Variants in ADRA1D observed in about 807,000 individuals in gnomAD.
ADRA1D encodes the protein alpha-1D adrenergic receptor.
In ADRA1D, 22 loss-of-function variants were observed where a neutral mutation model predicts 18.6. That is an observed-to-expected ratio of 1.19 (90% CI 0.85 to 1.69). The LOEUF (loss-of-function observed/expected upper bound fraction) is 1.69. Ranked by LOEUF, ADRA1D falls within the 40% of genes most tolerant of loss-of-function variation. ADRA1D has a pLI of 0.00. For missense variants in ADRA1D, 840 were observed against 840.7 expected, an observed-to-expected ratio of 1.00 and a Z score of 0.01; for synonymous variants, 376 against 388.2, an observed-to-expected ratio of 0.97 and a Z score of 0.37.
chr20:4,235,990 C>A (rs1042706198), intron 1 of ADRA1D, among the ~76,000 whole-genome samples: 7 of 152,192 alleles, frequency 4.6e-5, no homozygotes, highest in African/African-American at 1.7e-4. Context: ...CCTCAAGATC[C>A]CCTCTTGGCC....
Position 4,247,894 on chromosome 20 carries a change from C to A in ADRA1D, c.1064G>T (p.Gly355Val). 1 of 1,592,726 alleles carries A rather than the reference C, an allele frequency of 6.3e-7. No homozygotes were observed. The highest frequency in any genetic ancestry group is 8.5e-7 in the Non-Finnish European group (1 of 1,171,992). The stretch of plus-strand genomic sequence containing the variant: ...AGGGAACCAGCAGAGCACGAAGACA[C>A]CCACGACGATGGCCAGAGTCTTGGC... ...KAAKTLAIVV[G>V]VFVLCWFPFF... Residue 355 changes from glycine (G) to valine (V), a missense_variant, in exon 1 of 2, where the codon GGT (glycine) becomes GTT (valine). Physicochemically the swap from Gly to Val is moderately radical, Grantham distance 109. Coordinates refer to ENST00000379453, the MANE Select transcript of ADRA1D (RefSeq NM_000678.4).
intron 1 of ADRA1D, among the ~76,000 whole-genome samples, chr20:4,231,917 T>G (rs1568765135): frequency 1.3e-5 from 2 of 152,078 alleles, no homozygotes; most frequent in African/African-American, 2.4e-5. Flanking sequence ...TTCTTTTTCT[T>G]TTTTCTTTTT....
chr20:4,228,868 T>C, intron 1 of ADRA1D, among the ~76,000 whole-genome samples: 1 of 152,328 alleles, frequency 6.6e-6, no homozygotes, highest in South Asian at 2.1e-4. Flanking sequence ...GCTGGCTCCC[T>C]GGCCACCACC....
intron 1 of ADRA1D, among the ~76,000 whole-genome samples, chr20:4,224,993 G>GTTTTT (rs562415272): frequency 2.5e-5 from 3 of 120,054 alleles, no homozygotes; most frequent in Non-Finnish European, 5.1e-5. Context: ...GGCCATCTAA[G>GTTTTT]TTTTTTTTTT....
At position 4,221,954 on chromosome 20, in the gene ADRA1D, G is replaced by A. The variant is rs1004644438; in HGVS notation, c.1288C>T (p.Leu430Phe). 2.6e-6 allele frequency: 4 copies of A among 1,546,516 alleles called. No homozygotes were observed. The East Asian group carries it at 9.9e-5, about 38-fold the overall frequency. ...CAGTGGTGGCCGTAGACACGCCAGA[G>A]AGGGCGGCGGCGCCGGCGACGACGG... ...QCRRRRRRRP[L>F]WRVYGHHWRA... is the part of the protein sequence containing the mutation. The change falls in exon 2 of 2, where the codon CTC (leucine) becomes TTC (phenylalanine). Residue 430 changes from leucine (L) to phenylalanine (F), a missense_variant. Coordinates refer to ENST00000379453, the MANE Select transcript of ADRA1D (RefSeq NM_000678.4).
At chr20:4,238,747 C>CTATA (rs1981152331) in intron 1 of ADRA1D, among the ~76,000 whole-genome samples, 1 of 152,240 alleles carries the variant, frequency 6.6e-6, no homozygotes, top group African/African-American at 2.4e-5. Flanking sequence ...TAGGCAGATG[C>CTATA]TATAAATCAG....
chr20:4,234,744 C>T (rs1413974712), intron 1 of ADRA1D, among the ~76,000 whole-genome samples: 2 of 152,198 alleles, frequency 1.3e-5, no homozygotes, highest in South Asian at 2.1e-4. Context: ...GGTCAGCGAG[C>T]CTCTCTAATA....
rs1355527048 is a variant in ADRA1D, at chr20:4,249,029, A to G, written c.-72T>C. 1.8e-5 allele frequency: 20 copies of G among 1,126,496 alleles called. No individual in the cohort carries two copies. The highest frequency in any genetic ancestry group is 2.2e-5 in the Non-Finnish European group (20 of 901,256). 69.8% of individuals were successfully genotyped at this position (1,126,496 alleles called of 1,614,324 possible). ...GCCGGCAGGGAGGGGAGCACAGGGC[A>G]TAGCCGCGGGGCTCCAGATGCAGCT... On this transcript the variant is annotated 5_prime_UTR_variant, in exon 1 of 2. An upstream start codon of the reference 5' UTR is lost. Transcript: ENST00000379453.
rs2875939 is a variant in ADRA1D at position 4,244,011 on chromosome 20, A to G, written c.1111+3836T>C. Among the ~76,000 whole-genome samples the G allele has an allele frequency of 2.0e-5, 3 of 152,152 alleles. No homozygotes were observed. In the South Asian group the frequency reaches 6.2e-4, roughly 32 times the overall value. On this transcript the variant is annotated intron_variant, in intron 1 of 1. Coordinates refer to ENST00000379453, the MANE Select transcript of ADRA1D (RefSeq NM_000678.4). ...GGGTCCTTAGATGCCCCCACAGTTC[A>G]GGACAGCCCTCCTGTGGTGCTGCCC...
At chr20:4,225,947 C>T (rs960311456) in intron 1 of ADRA1D, among the ~76,000 whole-genome samples, 9 of 152,214 alleles carry the variant, frequency 5.9e-5, no homozygotes, top group African/African-American at 2.2e-4. Flanking sequence ...TGACCTCAGC[C>T]TCCAGGAAAG....
At chr20:4,225,420 T>TTTC (rs1555820574) in intron 1 of ADRA1D, among the ~76,000 whole-genome samples, 1 of 116,262 alleles carries the variant, frequency 8.6e-6, no homozygotes, top group Non-Finnish European at 1.8e-5. Flanking sequence ...TTACTTTTTT[T>TTTC]TTTCTTTCTT....
At chr20:4,227,704 CTCCTTCCTTCCTTCCTTCCTTCCTTCCT>C (rs1555820745) in intron 1 of ADRA1D, among the ~76,000 whole-genome samples, 38 of 92,616 alleles carry the variant, frequency 4.1e-4, no homozygotes, top group Middle Eastern at 4.9e-3. Context: ...CCCTCCCTCC[CTCCTTCCTTCCTTCCTTCCTTCCTTCCT>C]TCCTTCCTTC....
chr20:4,231,037 T>TC (rs1491541014), intron 1 of ADRA1D, among the ~76,000 whole-genome samples: 5 of 79,566 alleles, frequency 6.3e-5, no homozygotes, highest in Admixed American at 1.3e-4. Context: ...TCTTTCTTTC[T>TC]TTTTCTTTCT....
At chr20:4,225,775 T>C (rs1980784197) in intron 1 of ADRA1D, among the ~76,000 whole-genome samples, 1 of 152,156 alleles carries the variant, frequency 6.6e-6, no homozygotes, top group African/African-American at 2.4e-5. Flanking sequence ...AACTCACATC[T>C]GGGAAGGGAC....
At chr20:4,237,645 A>T (rs1273794777) in intron 1 of ADRA1D, among the ~76,000 whole-genome samples, 6 of 143,296 alleles carry the variant, frequency 4.2e-5, no homozygotes, top group African/African-American at 1.5e-4. Context: ...CCTAATCAAG[A>T]CTAATGTCAG....
chr20:4,225,630 G>T (rs1980778984), intron 1 of ADRA1D, among the ~76,000 whole-genome samples: 2 of 150,982 alleles, frequency 1.3e-5, no homozygotes, highest in Admixed American at 1.3e-4. Context: ...TGGCCAGGCT[G>T]GTCTTGAACT....
Position 4,222,289 on chromosome 20 carries a change from A to C in ADRA1D, c.1112-159T>G. 1.0e-6 allele frequency: 1 copy of C among 962,302 alleles called. No homozygotes were observed. The highest frequency in any genetic ancestry group is 1.4e-6 in the Non-Finnish European group (1 of 694,402). 59.6% of individuals were successfully genotyped at this position (962,302 alleles called of 1,614,324 possible). A position where few individuals can be genotyped will look rare whatever the true frequency, so the allele number is the denominator to read the frequency against. On this transcript the variant is annotated intron_variant, in intron 1 of 1. Coordinates refer to ENST00000379453, the MANE Select transcript of ADRA1D (RefSeq NM_000678.4). This position sits in a 1 kb window ranked among gnomAD's most constrained non-coding sequence, Gnocchi z 4.3. ...TAAATCAGGAGGTCCATGAACTTGGATAGAGAAAAATAATAATTGTTTTCA... is the reference window on the plus strand; with the variant it reads ...TAAATCAGGAGGTCCATGAACTTGGCTAGAGAAAAATAATAATTGTTTTCA...
rs557857530 is a variant in ADRA1D at position 4,243,496 on chromosome 20, C to T, written c.1111+4351G>A. Among the ~76,000 whole-genome samples, 15 of 152,354 alleles carry T rather than the reference C, an allele frequency of 9.8e-5. No homozygotes were observed. In the South Asian group the frequency reaches 3.1e-3, roughly 32 times the overall value. On this transcript the variant is annotated intron_variant, in intron 1 of 1. Transcript: ENST00000379453. ...GGGGCTGCCAAGAGCACTTCCTTCACAGGCCCCAGGGATTGGTGTCACTAC... is the reference window on the plus strand; with the variant it reads ...GGGGCTGCCAAGAGCACTTCCTTCATAGGCCCCAGGGATTGGTGTCACTAC...
At chr20:4,231,297 T>TTATTATTATTATTATTATTA in intron 1 of ADRA1D, among the ~76,000 whole-genome samples, 1 of 81,514 alleles carries the variant, frequency 1.2e-5, no homozygotes, top group East Asian at 4.7e-4. Context: ...TATTATTATT[T>TTATTATTATTATTATTATTA]TTGTAAAGAC....
Sources: gnomAD v4.1 joint callset for allele counts (sites outside exome capture counted in the v4.1 genomes callset) on GRCh38, gnomAD v4.1.1 for gene constraint, Gnocchi (gnomAD v3.1) non-coding constraint, MANE v1.5 for transcripts, NCBI Gene and HGNC (gene_info 2026-07-23, HGNC 2026-07-21) for gene names.